The following DLG2 variants were observed in gnomAD, a reference collection of about 807,000 sequenced individuals.
DLG2 encodes disks large homolog 2.
Under a neutral mutation model 132.5 loss-of-function variants are expected in DLG2, and 45 were observed. That is an observed-to-expected ratio of 0.34 (90% CI 0.27 to 0.44). The LOEUF (loss-of-function observed/expected upper bound fraction) is 0.44. DLG2 is among the 20% of genes least tolerant of loss of function. DLG2 has a pLI of 1.00. For missense variants in DLG2, 1,045 were observed against 1,196.9 expected, an observed-to-expected ratio of 0.87 and a Z score of 1.87; for synonymous variants, 424 against 419.6, an observed-to-expected ratio of 1.01 and a Z score of -0.13.
chr11:84,825,289 A>T (rs2078200042), intron 6 of DLG2, among the ~76,000 whole-genome samples: 1 of 151,884 alleles, frequency 6.6e-6, no homozygotes, highest in Non-Finnish European at 1.5e-5. Flanking sequence ...ACAATGAGGA[A>T]GTGAAGGTAG....
intron 19 of DLG2, among the ~76,000 whole-genome samples, chr11:83,610,474 G>A (rs1173123603): frequency 3.9e-5 from 6 of 152,160 alleles, no homozygotes; most frequent in African/African-American, 1.4e-4. Context: ...GTGATTTGAC[G>A]AGAAGTAAAC....
intron 6 of DLG2, among the ~76,000 whole-genome samples, chr11:84,864,603 A>G (rs2084266424): frequency 6.6e-6 from 1 of 152,180 alleles, no homozygotes; most frequent in Admixed American, 6.5e-5. Context: ...ATAAGGAACT[A>G]TGGGTTTTTC....
chr11:85,353,485 TG>T (rs1185244465), intron 3 of DLG2, among the ~76,000 whole-genome samples: 1 of 152,220 alleles, frequency 6.6e-6, no homozygotes, highest in Non-Finnish European at 1.5e-5. Context: ...ATCCTATTAC[TG>T]GGTATATAAC....
intron 6 of DLG2, among the ~76,000 whole-genome samples, chr11:84,773,730 T>G (rs910100901): frequency 2.0e-5 from 3 of 152,086 alleles, no homozygotes; most frequent in East Asian, 3.9e-4. Context: ...TTCAGTAAAT[T>G]TCAACATCCC....
At chr11:83,883,153 C>A (rs1220003310) in intron 15 of DLG2, among the ~76,000 whole-genome samples, 1 of 152,190 alleles carries the variant, frequency 6.6e-6, no homozygotes, top group African/African-American at 2.4e-5. Context: ...GTCATCCACA[C>A]TTTTAATTTG....
intron 6 of DLG2, among the ~76,000 whole-genome samples, chr11:84,748,643 G>T (rs2065704645): frequency 6.6e-6 from 1 of 151,984 alleles, no homozygotes; most frequent in Admixed American, 6.6e-5. Context: ...ATAAATTTTG[G>T]TCCTTTATTG....
At chr11:84,268,000 G>A (rs868201456) in intron 7 of DLG2, among the ~76,000 whole-genome samples, 2 of 152,070 alleles carry the variant, frequency 1.3e-5, no homozygotes, top group Admixed American at 6.6e-5. Context: ...CCTTAAATAT[G>A]ACCCAACTCT....
chr11:84,452,988 C>T (rs1391774021), intron 7 of DLG2, among the ~76,000 whole-genome samples: 5 of 151,302 alleles, frequency 3.3e-5, no homozygotes, highest in Non-Finnish European at 5.9e-5. Flanking sequence ...ATAGGTATTC[C>T]AATCACCCTG....
rs150536308 is a variant in DLG2 at position 83,998,414 on chromosome 11, G to A, written c.920-17772C>T. On this transcript the variant is annotated intron_variant, in intron 11 of 27. Coordinates refer to ENST00000376104, the MANE Select transcript of DLG2 (RefSeq NM_001142699.3). ...AGTAGTGAGTAGATAATCACACTTC[G>A]TATAGTTCCCTGAAGAGAAAATACT... Among the ~76,000 whole-genome samples the A allele has an allele frequency of 7.0e-4, 106 of 152,212 alleles. 1 individual carries two copies. The highest frequency in any genetic ancestry group is 2.4e-3 in the African/African-American group (100 of 41,536).
At chr11:84,111,242 T>C (rs966122943) in intron 9 of DLG2, among the ~76,000 whole-genome samples, 2 of 152,244 alleles carry the variant, frequency 1.3e-5, no homozygotes, top group Non-Finnish European at 2.9e-5. Context: ...CTATTTCCTA[T>C]TCTGCAATTC....
chr11:84,021,381 A>G (rs1007569965), intron 11 of DLG2, among the ~76,000 whole-genome samples: 2 of 152,162 alleles, frequency 1.3e-5, no homozygotes, highest in Admixed American at 1.3e-4. Flanking sequence ...ACAATCTGTT[A>G]TAAGCCCTTT....
Position 83,469,355 on chromosome 11 carries a change from C to T in DLG2, c.2465G>A (p.Arg822Gln), listed in dbSNP as rs1362746040. ...GTCTCTGCCATCCACCTCGTAGTCT[C>T]GCTTTGGCCTCGTAGTATCTTTATA... The part of the protein sequence containing the change: ...SCVPHTTRPK[R>Q]DYEVDGRDYH... Residue 822 changes from arginine to glutamine, a missense_variant, in exon 25 of 28, where the codon CGA (arginine) becomes CAA (glutamine). Arg to Gln is a conservative substitution (Grantham distance 43, BLOSUM62 1). Around this residue, in one of 4 missense-constraint regions of DLG2, gnomAD observed 398 missense variants for 543.6 expected, o/e 0.73. Coordinates refer to ENST00000376104, the MANE Select transcript of DLG2 (RefSeq NM_001142699.3). The T allele has an allele frequency of 6.2e-7, 1 of 1,611,352 alleles. No homozygotes were observed. The highest frequency in any genetic ancestry group is 1.1e-5 in the South Asian group (1 of 90,394).
rs111561342 is a variant in DLG2 at position 84,399,178 on chromosome 11, C to T, written c.519+135392G>A. On this transcript the variant is annotated intron_variant, in intron 7 of 27. Transcript: ENST00000376104. ...ATACAAAAATAGGGACTGAAAATGC[C>T]GGGAATGCCTTTCCCTCTGTATCCT... 8.2e-4 allele frequency among the ~76,000 whole-genome samples: 125 copies of T among 152,118 alleles called. 1 individual carries two copies. The highest frequency in any genetic ancestry group is 2.8e-3 in the African/African-American group (117 of 41,510).
chr11:84,244,191 T>C lies in DLG2; in HGVS notation c.573+7047A>G, dbSNP rs557628354. Among the ~76,000 whole-genome samples, 11 of 152,254 alleles carry C rather than the reference T, an allele frequency of 7.2e-5. No individual in the cohort carries two copies. The East Asian group carries it at 2.1e-3, about 29-fold the overall frequency. On this transcript the variant is annotated intron_variant, in intron 8 of 27. Coordinates refer to ENST00000376104, the MANE Select transcript of DLG2 (RefSeq NM_001142699.3). ...TGAATCAGAAACTTCATTTTCTTTTTTTTTTCCCTGAGGTGGAGTCTCACT... is the reference window on the plus strand; with the variant it reads ...TGAATCAGAAACTTCATTTTCTTTTCTTTTTCCCTGAGGTGGAGTCTCACT...
intron 22 of DLG2, among the ~76,000 whole-genome samples, chr11:83,483,825 A>G (rs535462542): frequency 7.9e-5 from 12 of 152,284 alleles, no homozygotes; most frequent in African/African-American, 2.9e-4. Context: ...ATTTGTCTCA[A>G]GACTTAGAGG....
chr11:84,217,213 A>G (rs2096847384), intron 8 of DLG2, among the ~76,000 whole-genome samples: 1 of 152,214 alleles, frequency 6.6e-6, no homozygotes, highest in African/African-American at 2.4e-5. Context: ...TATCATGACC[A>G]TTTATATGGG....
At chr11:84,785,238 A>G (rs750195583) in intron 6 of DLG2, among the ~76,000 whole-genome samples, 8 of 152,042 alleles carry the variant, frequency 5.3e-5, no homozygotes, top group Non-Finnish European at 1.0e-4. Flanking sequence ...TTGTTTAAAA[A>G]TATGCTTTTT....
intron 7 of DLG2, among the ~76,000 whole-genome samples, chr11:84,370,332 A>G (rs1241156678): frequency 6.6e-6 from 1 of 152,180 alleles, no homozygotes; most frequent in African/African-American, 2.4e-5. Context: ...GGAAAAATAA[A>G]CTATGTAATT....
intron 7 of DLG2, among the ~76,000 whole-genome samples, chr11:84,475,319 C>A (rs1307873346): frequency 2.6e-5 from 4 of 151,938 alleles, no homozygotes; most frequent in African/African-American, 9.7e-5. Flanking sequence ...TATCAATAAG[C>A]ATTTGGGGAG....
Sources: allele counts gnomAD v4.1 joint callset (sites outside exome capture counted in the v4.1 genomes callset), GRCh38; gene constraint gnomAD v4.1.1; regional missense constraint gnomAD v4.1.1; transcripts MANE v1.5; gene names NCBI Gene and HGNC (gene_info 2026-07-23, HGNC 2026-07-21).